LDLRAD3: variants seen among roughly 807,000 people sequenced by gnomAD.
LDLRAD3 encodes low density lipoprotein receptor class A domain containing 3, also known as low-density lipoprotein receptor class A domain-containing protein 3.
A neutral mutation model predicts 29.4 loss-of-function variants in LDLRAD3; 20 were observed. The observed-to-expected ratio is 0.68, with a 90% CI of 0.48 to 0.99. The LOEUF (loss-of-function observed/expected upper bound fraction) is 0.99, where lower values mean the gene tolerates loss of function less well. Ranked by LOEUF, LDLRAD3 falls within the 50% of genes least tolerant of loss-of-function variation. The pLI, the probability that LDLRAD3 is intolerant of heterozygous loss-of-function variation, is 0.00. For missense variants in LDLRAD3, 420 were observed against 454.3 expected (o/e 0.92, Z 0.69); for synonymous variants, 157 against 192.7 (o/e 0.81, Z 1.53).
At chr11:36,174,095 C>G (rs1011344613) in intron 4 of LDLRAD3, among the ~76,000 whole-genome samples, 1 of 152,118 alleles carries the variant, frequency 6.6e-6, no homozygotes, top group Admixed American at 6.5e-5. Flanking sequence ...ACAAACCTGA[C>G]AAAAACAAGC....
chr11:36,016,055 G>A (rs148034503), intron 1 of LDLRAD3, among the ~76,000 whole-genome samples: 2,141 of 152,312 alleles, frequency 0.014, 14 homozygotes, highest in Non-Finnish European at 0.021. Context: ...CACATTCCCC[G>A]CAGAGGACGA....
intron 4 of LDLRAD3, among the ~76,000 whole-genome samples, chr11:36,223,558 G>T (rs576574076): frequency 1.3e-5 from 2 of 151,928 alleles, no homozygotes; most frequent in Non-Finnish European, 2.9e-5. Context: ...GGGAGACTCC[G>T]TCTTTACAAA....
chr11:36,184,957 A>C (rs1319527494), intron 4 of LDLRAD3, among the ~76,000 whole-genome samples: 2 of 152,098 alleles, frequency 1.3e-5, no homozygotes, highest in African/African-American at 4.8e-5. Flanking sequence ...CTTGGAAGAA[A>C]ATTTGCCTCA....
At chr11:36,082,266 T>C (rs778928881) in intron 3 of LDLRAD3, among the ~76,000 whole-genome samples, 4 of 152,148 alleles carry the variant, frequency 2.6e-5, no homozygotes, top group African/African-American at 9.7e-5. Context: ...CCCAGCACTT[T>C]AGGAGGCTGA....
intron 3 of LDLRAD3, among the ~76,000 whole-genome samples, chr11:36,094,827 A>G (rs1761710776): frequency 6.6e-6 from 1 of 152,164 alleles, no homozygotes; most frequent in Non-Finnish European, 1.5e-5. Flanking sequence ...GTGAGTCACC[A>G]TGTCTGGCCC....
intron 4 of LDLRAD3, chr11:36,163,439 C>G (rs1233157197): frequency 6.6e-6 from 1 of 152,210 alleles, no homozygotes; most frequent in African/African-American, 2.4e-5. Context: ...ATTAATGAAG[C>G]CTAGCCTTAC....
At chr11:36,037,197 G>A (rs968763529) in intron 2 of LDLRAD3, among the ~76,000 whole-genome samples, 3 of 152,156 alleles carry the variant, frequency 2.0e-5, no homozygotes, top group African/African-American at 7.2e-5. Flanking sequence ...GCTCTTTCAT[G>A]TGCTTTGGGC....
intron 4 of LDLRAD3, among the ~76,000 whole-genome samples, chr11:36,112,079 A>G (rs1853614047): frequency 1.3e-5 from 2 of 151,544 alleles, no homozygotes; most frequent in African/African-American, 4.9e-5. Context: ...ATTTATTTGT[A>G]CCTCTACAGC....
chr11:36,023,894 G>A (rs934981617), intron 1 of LDLRAD3, among the ~76,000 whole-genome samples: 3 of 152,224 alleles, frequency 2.0e-5, no homozygotes, highest in African/African-American at 7.2e-5. Context: ...CTATTAAAGA[G>A]ATCTAGGAAT....
At chr11:36,066,160 C>CTT (rs536834475) in intron 2 of LDLRAD3, among the ~76,000 whole-genome samples, 10 of 141,178 alleles carry the variant, frequency 7.1e-5, no homozygotes, top group Admixed American at 4.3e-4. Flanking sequence ...CACTCATTTT[C>CTT]TTTTTTTTTT....
chr11:35,983,401 T>C (rs1293045236), intron 1 of LDLRAD3, among the ~76,000 whole-genome samples: 1 of 152,160 alleles, frequency 6.6e-6, no homozygotes, highest in East Asian at 1.9e-4. Context: ...TGGTCACTGC[T>C]CTCTCCCCGT....
chr11:36,036,403 C>G (rs770434661), intron 2 of LDLRAD3, among the ~76,000 whole-genome samples, 154 bp downstream of exon 2: 5 of 152,266 alleles, frequency 3.3e-5, no homozygotes, highest in Middle Eastern at 3.4e-3. Flanking sequence ...TGCTGTATCT[C>G]CATCTCAGAG....
chr11:36,100,162 G>A (rs1186736885), intron 4 of LDLRAD3, among the ~76,000 whole-genome samples: 2 of 152,088 alleles, frequency 1.3e-5, no homozygotes, highest in African/African-American at 2.4e-5. Flanking sequence ...TACTTAAGAA[G>A]CCCTCAAGGT....
intron 4 of LDLRAD3, among the ~76,000 whole-genome samples, chr11:36,144,682 C>T (rs562363319): frequency 9.7e-5 from 8 of 82,364 alleles, no homozygotes; most frequent in African/African-American, 3.0e-4. Flanking sequence ...GTGAGGAGCC[C>T]CTCCGCCCGG....
Position 36,227,145 on chromosome 11 carries a change from TCACCTATGCCATCATC to T in LDLRAD3, c.516_531del (p.Ile172MetfsTer28). On this transcript the variant is annotated frameshift_variant, in exon 5 of 6. Coordinates refer to ENST00000315571, the MANE Select transcript of LDLRAD3 (RefSeq NM_174902.4). LOFTEE classifies it high-confidence loss of function. The stretch of plus-strand genomic sequence containing the variant: ...AACCAACTTGTGTATTACCCCAGCA[TCACCTATGCCATCATC>T]GGCAGCTCCGTCATTTTTGTGCTGG... 1 of 1,613,498 alleles carries T rather than the reference TCACCTATGCCATCATC, an allele frequency of 6.2e-7. No individual in the cohort carries two copies. The highest frequency in any genetic ancestry group is 8.5e-7 in the Non-Finnish European group (1 of 1,179,708).
intron 4 of LDLRAD3, among the ~76,000 whole-genome samples, chr11:36,149,838 T>A (rs909546498): frequency 4.6e-5 from 7 of 152,196 alleles, no homozygotes; most frequent in Non-Finnish European, 1.0e-4. Flanking sequence ...CTGTTCCTCA[T>A]GACTCATGAA....
At chr11:36,086,397 ATG>A (rs1853196338) in intron 3 of LDLRAD3, among the ~76,000 whole-genome samples, 1 of 151,900 alleles carries the variant, frequency 6.6e-6, no homozygotes, top group Non-Finnish European at 1.5e-5. Context: ...GTGCTTATAT[ATG>A]TGTTTTTGTA....
intron 4 of LDLRAD3, among the ~76,000 whole-genome samples, chr11:36,156,295 C>T (rs1854350091): frequency 1.3e-5 from 2 of 152,206 alleles, no homozygotes; most frequent in African/African-American, 4.8e-5. Flanking sequence ...CGATCCCCAA[C>T]TGAAGAGCTG....
At chr11:36,066,418 T>C (rs1393251648) in intron 2 of LDLRAD3, among the ~76,000 whole-genome samples, 1 of 152,182 alleles carries the variant, frequency 6.6e-6, no homozygotes, top group Non-Finnish European at 1.5e-5. Flanking sequence ...ATTATCTTTT[T>C]AGATCTTTCC....
Sources: allele counts gnomAD v4.1 joint callset (sites outside exome capture counted in the v4.1 genomes callset), GRCh38; gene constraint gnomAD v4.1.1; transcripts MANE v1.5; gene names NCBI Gene and HGNC (gene_info 2026-07-23, HGNC 2026-07-21).